Variants in NUMB observed in about 807,000 individuals in gnomAD.
NUMB encodes NUMB endocytic adaptor protein.
NUMB carries 29 observed loss-of-function variants against 59.7 expected under a neutral mutation model. That is an observed-to-expected ratio of 0.49 (90% CI 0.36 to 0.66). NUMB has a LOEUF of 0.66. Among genes scored for constraint, NUMB ranks in the 30% least tolerant of loss-of-function variants. The pLI is 0.00. For missense variants in NUMB, 723 were observed against 822.0 expected (o/e 0.88, Z 1.47); for synonymous variants, 288 against 288.2 (o/e 1.00, Z 0.01).
intron 2 of NUMB, among the ~76,000 whole-genome samples, chr14:73,400,895 C>A (rs1451358702): frequency 6.6e-6 from 1 of 152,120 alleles, no homozygotes; most frequent in Non-Finnish European, 1.5e-5. Flanking sequence ...TTTGTAATAC[C>A]CTTTATGATA....
intron 11 of NUMB, among the ~76,000 whole-genome samples, chr14:73,279,699 C>T (rs777596300): frequency 3.9e-5 from 6 of 152,166 alleles, no homozygotes; most frequent in Admixed American, 6.5e-5. Context: ...ATGAAACCTA[C>T]GAAAACAATT....
rs1245014462 is a variant in NUMB, at chr14:73,297,161, C to T, written c.309+50G>A. 4 of 1,268,510 alleles carry T rather than the reference C, an allele frequency of 3.2e-6. No individual in the cohort carries two copies. In the South Asian group the frequency reaches 5.0e-5, roughly 16 times the overall value. 78.6% of individuals were successfully genotyped at this position (1,268,510 alleles called of 1,614,324 possible). A position where few individuals can be genotyped will look rare whatever the true frequency, so the allele number is the denominator to read the frequency against. On this transcript the variant is annotated intron_variant, in intron 7 of 12. Coordinates refer to ENST00000555238, the MANE Select transcript of NUMB (RefSeq NM_001005743.2). ...CAGCCTGGGTGACAAGAGTGAAACT[C>T]CATCTCCAAAAAAAATAAAATAAAT...
Position 73,282,368 on chromosome 14 carries a change from T to C in NUMB, c.1087A>G (p.Thr363Ala), listed in dbSNP as rs146991226. 1.5e-5 allele frequency: 25 copies of C among 1,613,904 alleles called. No homozygotes were observed. In the African/African-American group the frequency reaches 2.5e-4, roughly 16 times the overall value. Reference protein sequence around the residue: ...PVTVVAPQSPTFQANGTDSAF... With the variant: ...PVTVVAPQSPAFQANGTDSAF... Reference sequence around the variant, plus strand: ...GTCAGAGGGCACCAACCTTGGAAGGTAGGAGATTGTGGTGCCACCACTGTC... The same window carrying C: ...GTCAGAGGGCACCAACCTTGGAAGGCAGGAGATTGTGGTGCCACCACTGTC... The change falls in exon 11 of 13, where the codon ACC (threonine) becomes GCC (alanine). Residue 363 changes from threonine (T) to alanine (A), a missense_variant. By Grantham distance (58) the Thr-to-Ala change is moderately conservative. Around this residue, in one of 2 missense-constraint regions of NUMB, gnomAD observed 406 missense variants for 385.4 expected, o/e 1.05. Transcript: ENST00000555238.
At chr14:73,451,568 T>C (rs1430503973) in intron 1 of NUMB, among the ~76,000 whole-genome samples, 2 of 152,152 alleles carry the variant, frequency 1.3e-5, no homozygotes, top group Admixed American at 6.5e-5. Context: ...TGAGCCGAGA[T>C]TGTGCCACTG....
Position 73,275,570 on chromosome 14 carries a change from A to G in NUMB, c.*1008T>C, listed in dbSNP as rs537411293. ...GATTATGTCATGTTACCTTAGTGTT[A>G]AAGGATTAACATAAGGAAACTGCAG... On this transcript the variant is annotated 3_prime_UTR_variant, in exon 13 of 13. Coordinates refer to ENST00000555238, the MANE Select transcript of NUMB (RefSeq NM_001005743.2). The G allele has an allele frequency of 1.3e-5, 2 of 152,292 alleles. No homozygotes were observed. The highest frequency in any genetic ancestry group is 4.2e-4 in the South Asian group (2 of 4,810). The allele number at this position is 152,292 out of a possible 1,614,324, so 9.4% of individuals were successfully genotyped here. A position where few individuals can be genotyped will look rare whatever the true frequency, so the allele number is the denominator to read the frequency against.
At chr14:73,381,007 G>A (rs2140077031) in intron 2 of NUMB, among the ~76,000 whole-genome samples, 1 of 152,280 alleles carries the variant, frequency 6.6e-6, no homozygotes, top group East Asian at 1.9e-4. Flanking sequence ...ACAGGCATGA[G>A]CCACTGCACC....
rs138485233 is a variant in NUMB at position 73,282,197 on chromosome 14, A to T, written c.1096+162T>A. On this transcript the variant is annotated intron_variant, in intron 11 of 12. Coordinates refer to ENST00000555238, the MANE Select transcript of NUMB (RefSeq NM_001005743.2). Reference sequence around the variant, plus strand: ...TAGAAAACAGGAAGGGCACAAAGACATCGTCGAATGGAGAAATCAATGAAT... The same window carrying T: ...TAGAAAACAGGAAGGGCACAAAGACTTCGTCGAATGGAGAAATCAATGAAT... 1.8e-5 allele frequency: 11 copies of T among 596,010 alleles called. No homozygotes were observed. The South Asian group carries it at 2.7e-4, about 15-fold the overall frequency. The allele number at this position is 596,010 out of a possible 1,614,324, so 36.9% of individuals were successfully genotyped here.
chr14:73,398,375 TGAGA>T (rs1262629369), intron 2 of NUMB, among the ~76,000 whole-genome samples: 9 of 144,660 alleles, frequency 6.2e-5, no homozygotes, highest in East Asian at 2.2e-4. Context: ...TATTTGTATA[TGAGA>T]GAGAGACACA....
At chr14:73,442,283 C>T (rs1463985898) in intron 1 of NUMB, among the ~76,000 whole-genome samples, 1 of 151,384 alleles carries the variant, frequency 6.6e-6, no homozygotes, top group Non-Finnish European at 1.5e-5. Context: ...TGAGGTGGGA[C>T]CATCTCTTGA....
In NUMB at chr14:73,321,121, C is replaced by T. The variant is rs139376860; in HGVS notation, c.201+2009G>A. ...AACTGCTCATTAAACAACAAAATAC[C>T]GTTTCTCAATATGTTCTGGGCAAAC... On this transcript the variant is annotated intron_variant, in intron 5 of 12. Coordinates refer to ENST00000555238, the MANE Select transcript of NUMB (RefSeq NM_001005743.2). Among the ~76,000 whole-genome samples, 497 of 151,996 alleles carry T rather than the reference C, an allele frequency of 3.3e-3. 2 individuals are homozygous for T. Among genetic ancestry groups the T allele is most frequent in the African/African-American group, 9.3e-3 (385 of 41,474 alleles).
intron 2 of NUMB, among the ~76,000 whole-genome samples, chr14:73,374,401 C>T (rs940381045): frequency 6.6e-6 from 1 of 152,090 alleles, no homozygotes; most frequent in Admixed American, 6.6e-5. Context: ...CCAGCTGGTG[C>T]CAACCCTGTG....
chr14:73,340,497 A>G (rs967826423), intron 4 of NUMB, among the ~76,000 whole-genome samples: 1 of 152,118 alleles, frequency 6.6e-6, no homozygotes, highest in African/African-American at 2.4e-5. Context: ...TTACATATTT[A>G]CTTATTCATA....
intron 2 of NUMB, among the ~76,000 whole-genome samples, chr14:73,380,724 GT>G (rs759209884): frequency 1.0e-3 from 136 of 131,168 alleles, no homozygotes; most frequent in South Asian, 1.7e-3. Flanking sequence ...TCATCAATTA[GT>G]TTTTTTTTTT....
At chr14:73,378,146 A>G (rs1157671619) in intron 2 of NUMB, among the ~76,000 whole-genome samples, 4 of 152,204 alleles carry the variant, frequency 2.6e-5, no homozygotes, top group Admixed American at 6.5e-5. Context: ...GTAAATAAGC[A>G]TATGAAAAGA....
At chr14:73,351,455 T>C (rs1244392192) in intron 4 of NUMB, among the ~76,000 whole-genome samples, 1 of 152,108 alleles carries the variant, frequency 6.6e-6, no homozygotes, top group Non-Finnish European at 1.5e-5. Context: ...GCCACTGCAC[T>C]CCAGCCTGGC....
chr14:73,372,650 A>C (rs895482289), intron 2 of NUMB, among the ~76,000 whole-genome samples: 2 of 151,746 alleles, frequency 1.3e-5, no homozygotes, highest in Admixed American at 1.3e-4. Context: ...CATTATCCTC[A>C]ATACACTTAC....
rs869074049 is a variant in NUMB, at chr14:73,389,272, C to CAAAAAAAAAAAAAAAAAAAAAAA, written c.-101+20664_-101+20665insTTTTTTTTTTTTTTTTTTTTTTT. Among the ~76,000 whole-genome samples, 8 of 66,476 alleles carry CAAAAAAAAAAAAAAAAAAAAAAA rather than the reference C, an allele frequency of 1.2e-4. 1 individual carries two copies. The highest frequency in any genetic ancestry group is 4.7e-4 in the African/African-American group (8 of 17,144). 43.6% of individuals were successfully genotyped at this position (66,476 alleles called of 152,430 possible). A position where few individuals can be genotyped will look rare whatever the true frequency, so the allele number is the denominator to read the frequency against. Reference sequence around the variant, plus strand: ...GGTTACAGAGCGAGACTCCATCTCTCAAAAAAAAAAAAAAAAAAAAACAAA... The same window carrying CAAAAAAAAAAAAAAAAAAAAAAA: ...GGTTACAGAGCGAGACTCCATCTCTCAAAAAAAAAAAAAAAAAAAAAAAAAAAAAAAAAAAAAAAAAAAACAAA... On this transcript the variant is annotated intron_variant, in intron 2 of 12. Transcript: ENST00000555238.
chr14:73,448,380 T>G (rs193301328), intron 1 of NUMB, among the ~76,000 whole-genome samples: 1 of 152,058 alleles, frequency 6.6e-6, no homozygotes, highest in African/African-American at 2.4e-5. Flanking sequence ...ATAATAGAGA[T>G]AGGGTCTTGC....
chr14:73,442,569 C>T (rs1883141455), intron 1 of NUMB, among the ~76,000 whole-genome samples: 1 of 151,916 alleles, frequency 6.6e-6, no homozygotes, highest in Non-Finnish European at 1.5e-5. Context: ...GAATACTACT[C>T]AACAATAAAA....
Sources: allele counts gnomAD v4.1 joint callset (sites outside exome capture counted in the v4.1 genomes callset), GRCh38; gene constraint gnomAD v4.1.1; regional missense constraint gnomAD v4.1.1; transcripts MANE v1.5; gene names NCBI Gene and HGNC (gene_info 2026-07-23, HGNC 2026-07-21).